Variants in TMC5 observed in about 807,000 individuals in gnomAD.
TMC5 encodes the protein transmembrane channel like 5.
A neutral mutation model predicts 110.5 loss-of-function variants in TMC5; 86 were observed. That is an observed-to-expected ratio of 0.78 (90% confidence interval 0.65 to 0.93). The LOEUF is 0.93. Among genes scored for constraint, TMC5 ranks in the 40% least tolerant of loss-of-function variants. The pLI is 0.00. For synonymous variants in TMC5, 455 were observed against 439.5 expected (o/e 1.04, Z -0.44); for missense variants, 1,144 against 1,222.8 (o/e 0.94, Z 0.96).
intron 1 of TMC5, among the ~76,000 whole-genome samples, chr16:19,422,871 C>T (rs904203481): frequency 6.6e-6 from 1 of 152,166 alleles, no homozygotes; most frequent in African/African-American, 2.4e-5. Flanking sequence ...TTGCTTGAAC[C>T]TGGGAGGTGG....
intron 19 of TMC5, 29 bp downstream of exon 19, chr16:19,492,257 C>G (rs375931621): frequency 6.6e-7 from 1 of 1,526,122 alleles, no homozygotes; most frequent in Non-Finnish European, 9.1e-7. Context: ...CTCTGATGTC[C>G]GCCCTCACCC....
chr16:19,421,866 G>A (rs1242582538), intron 1 of TMC5, among the ~76,000 whole-genome samples: 1 of 150,902 alleles, frequency 6.6e-6, no homozygotes, highest in Non-Finnish European at 1.5e-5. Context: ...GCAGGAGGAT[G>A]GCTTGGGCCT....
intron 1 of TMC5, among the ~76,000 whole-genome samples, chr16:19,428,970 T>C (rs1038336629): frequency 4.3e-4 from 65 of 152,096 alleles, no homozygotes; most frequent in African/African-American, 1.6e-3. Flanking sequence ...GGATTACAGG[T>C]GCGAGCCACC....
chr16:19,492,915 G>GATAGAT (rs58561457), intron 19 of TMC5, among the ~76,000 whole-genome samples: 4 of 42,752 alleles, frequency 9.4e-5, no homozygotes, highest in Non-Finnish European at 2.3e-4. Flanking sequence ...TTAAAACTTA[G>GATAGAT]ATATATATAT....
At chr16:19,492,054 C>T in intron 18 of TMC5, 96 bp from the exon 19 acceptor site, 1 of 972,966 alleles carries the variant, frequency 1.0e-6, no homozygotes. Flanking sequence ...CCAAATCCAT[C>T]TGCAAGCACA....
At chr16:19,462,511 GC>G in intron 6 of TMC5, 2 of 701,986 alleles carry the variant, frequency 2.8e-6, no homozygotes, top group Non-Finnish European at 5.2e-6. Flanking sequence ...AGCAGGGGAG[GC>G]CTCACAATCA....
chr16:19,484,839 A>G (rs750207611), intron 15 of TMC5, among the ~76,000 whole-genome samples: 5 of 151,242 alleles, frequency 3.3e-5, no homozygotes, highest in Non-Finnish European at 5.9e-5. Context: ...ATAAATCATG[A>G]ATAAGCACCA....
At chr16:19,480,004 A>G (rs1457749869) in intron 14 of TMC5, among the ~76,000 whole-genome samples, 1 of 152,050 alleles carries the variant, frequency 6.6e-6, no homozygotes, top group Non-Finnish European at 1.5e-5. Context: ...AATCTTATCC[A>G]CTGTAGATAA....
intron 2 of TMC5, among the ~76,000 whole-genome samples, chr16:19,434,080 AATAT>A (rs72054592): frequency 0.093 from 10,249 of 110,558 alleles, 1,266 homozygotes; most frequent in African/African-American, 0.26. Context: ...TATTATATAT[AATAT>A]ATATATATCT....
chr16:19,490,244 AG>A (rs1404076465), intron 17 of TMC5, 150 bp from the exon 18 acceptor site: 4 of 761,764 alleles, frequency 5.3e-6, no homozygotes, highest in Non-Finnish European at 8.6e-6. Flanking sequence ...AGCAAGGCTG[AG>A]AGCAAGAGGG....
chr16:19,477,846 C>A (rs1968526383), intron 13 of TMC5, among the ~76,000 whole-genome samples: 1 of 152,190 alleles, frequency 6.6e-6, no homozygotes, highest in Non-Finnish European at 1.5e-5. Context: ...CCAGCATATG[C>A]AATAGACACT....
At chr16:19,455,812 CCAGA>C (rs1215056675) in intron 5 of TMC5, among the ~76,000 whole-genome samples, 1 of 152,070 alleles carries the variant, frequency 6.6e-6, no homozygotes, top group Non-Finnish European at 1.5e-5. Flanking sequence ...AGACTGAGAG[CCAGA>C]CAAATAGCAG....
intron 9 of TMC5, among the ~76,000 whole-genome samples, 176 bp from the exon 10 acceptor site, chr16:19,469,505 A>C (rs139301049): frequency 6.6e-6 from 1 of 152,304 alleles, no homozygotes; most frequent in East Asian, 1.9e-4. Context: ...TGCAGCCCCA[A>C]AACCAGTGCT....
chr16:19,417,264 C>T (rs189779767), upstream of TMC5, among the ~76,000 whole-genome samples: 2 of 151,406 alleles, frequency 1.3e-5, no homozygotes, highest in East Asian at 3.9e-4. Flanking sequence ...TCAAAAAATA[C>T]AAAAATTAGT....
At chr16:19,431,340 G>C (rs1046116080) in intron 2 of TMC5, among the ~76,000 whole-genome samples, 5 of 151,962 alleles carry the variant, frequency 3.3e-5, no homozygotes, top group Non-Finnish European at 1.5e-5. Context: ...CAGGACTTCG[G>C]TAGCAGCCTG....
intron 8 of TMC5, among the ~76,000 whole-genome samples, chr16:19,465,850 A>G (rs973467738): frequency 1.3e-5 from 2 of 152,214 alleles, no homozygotes; most frequent in African/African-American, 4.8e-5. Context: ...TCACTGGGCC[A>G]GGTGGTAACA....
At chr16:19,465,063 TCCTTCCTTCCTTCCTTCC>T (rs1968144002) in intron 8 of TMC5, among the ~76,000 whole-genome samples, 3 of 65,850 alleles carry the variant, frequency 4.6e-5, no homozygotes, top group African/African-American at 1.8e-4. Flanking sequence ...TTCTTTTCCT[TCCTTCCTTCCTTCCTTCC>T]TTCCTTCCTT....
intron 5 of TMC5, among the ~76,000 whole-genome samples, chr16:19,452,190 G>A (rs759836796): frequency 3.3e-5 from 5 of 152,134 alleles, no homozygotes; most frequent in African/African-American, 9.7e-5. Context: ...ACAGAACTTC[G>A]GGAAACTTAT....
At chr16:19,465,114 T>A in intron 8 of TMC5, among the ~76,000 whole-genome samples, 1 of 45,816 alleles carries the variant, frequency 2.2e-5, no homozygotes, top group African/African-American at 6.0e-5. Context: ...CCTTCCTTCC[T>A]CCCTCCCTCC....
Sources: allele counts gnomAD v4.1 joint callset (sites outside exome capture counted in the v4.1 genomes callset), GRCh38; gene constraint gnomAD v4.1.1; transcripts MANE v1.5; gene names NCBI Gene and HGNC (gene_info 2026-07-23, HGNC 2026-07-21).